Variants in CPED1 observed in about 807,000 individuals in gnomAD.
CPED1 encodes the protein cadherin like and PC-esterase domain containing 1.
In CPED1, 114 loss-of-function variants were observed where a neutral mutation model predicts 128.2. That is an observed-to-expected ratio of 0.89 (90% CI 0.76 to 1.04). The LOEUF is 1.04. CPED1 is among the 50% of genes least tolerant of loss of function. CPED1 has a pLI of 0.00. For synonymous variants in CPED1, 462 were observed against 426.7 expected (o/e 1.08, Z -1.02); for missense variants, 1,211 against 1,207.1 (o/e 1.00, Z -0.05).
chr7:121,275,566 T>C (rs1489307467), intron 22 of CPED1, among the ~76,000 whole-genome samples: 1 of 152,186 alleles, frequency 6.6e-6, no homozygotes, highest in Non-Finnish European at 1.5e-5. Flanking sequence ...CCAACTGATA[T>C]GTTATTATTC....
At chr7:121,289,771 AATG>A (rs1236083726) in intron 22 of CPED1, among the ~76,000 whole-genome samples, 1 of 152,234 alleles carries the variant, frequency 6.6e-6, no homozygotes, top group Admixed American at 6.5e-5. Flanking sequence ...ATTGCATTAA[AATG>A]ATGAAATTCA....
At chr7:121,288,505 T>C (rs1792629655) in intron 22 of CPED1, among the ~76,000 whole-genome samples, 5 of 152,192 alleles carry the variant, frequency 3.3e-5, no homozygotes, top group Admixed American at 3.3e-4. Flanking sequence ...GTTATCAACC[T>C]TCCATTGAGA....
intron 16 of CPED1, among the ~76,000 whole-genome samples, chr7:121,220,027 C>T (rs1011077205): frequency 6.6e-6 from 1 of 151,992 alleles, no homozygotes; most frequent in African/African-American, 2.4e-5. Context: ...CAAAATGTTT[C>T]CTACTCCTCA....
intron 3 of CPED1, among the ~76,000 whole-genome samples, chr7:121,046,217 A>G (rs77778725): frequency 1.6e-4 from 25 of 152,300 alleles, no homozygotes; most frequent in African/African-American, 5.3e-4. Context: ...GTCCTTGGTG[A>G]AATAGCTGAA....
At chr7:121,271,460 GC>G in intron 22 of CPED1, 30 bp downstream of exon 22, 2 of 1,591,182 alleles carry the variant, frequency 1.3e-6, no homozygotes, top group Non-Finnish European at 1.7e-6. Context: ...GAGTTTTATA[GC>G]TTTTGATCTT....
chr7:121,119,046 A>T (rs905068481), intron 7 of CPED1, among the ~76,000 whole-genome samples: 5 of 152,032 alleles, frequency 3.3e-5, no homozygotes, highest in Admixed American at 6.6e-5. Context: ...TTTACTTTTT[A>T]TTCTATAAAT....
chr7:121,066,038 T>C lies in CPED1; in HGVS notation c.616+1725T>C, dbSNP rs542502195. ...CTGTTGGTATAAATATATAATTCAA[T>C]ATTCACAAAATTAAAATTTTATTTG... is the stretch of plus-strand genomic sequence containing the variant. On this transcript the variant is annotated intron_variant, in intron 5 of 22. Coordinates refer to ENST00000310396, the MANE Select transcript of CPED1 (RefSeq NM_024913.5). Among the ~76,000 whole-genome samples, 6 of 152,286 alleles carry C rather than the reference T, an allele frequency of 3.9e-5. No homozygotes were observed. The South Asian group carries it at 1.2e-3, about 32-fold the overall frequency.
intron 5 of CPED1, among the ~76,000 whole-genome samples, chr7:121,080,590 T>C (rs1017749539): frequency 5.3e-5 from 8 of 152,126 alleles, no homozygotes; most frequent in Non-Finnish European, 5.9e-5. Flanking sequence ...GCTGCTGAGG[T>C]GGAGAAAATT....
chr7:121,024,707 A>G (rs892609274), intron 3 of CPED1, among the ~76,000 whole-genome samples: 5 of 152,180 alleles, frequency 3.3e-5, no homozygotes, highest in Non-Finnish European at 5.9e-5. Flanking sequence ...TGGAAAAAAG[A>G]CTATTTTTTG....
intron 2 of CPED1, among the ~76,000 whole-genome samples, chr7:121,014,549 C>CAAAAAAAAAAA (rs34128129): frequency 8.5e-6 from 1 of 117,188 alleles, no homozygotes; most frequent in Non-Finnish European, 1.8e-5. Flanking sequence ...GACTTTGTCT[C>CAAAAAAAAAAA]AAAAAAAAAA....
chr7:121,005,627 A>G (rs1484599530), intron 2 of CPED1, among the ~76,000 whole-genome samples: 1 of 152,164 alleles, frequency 6.6e-6, no homozygotes, highest in African/African-American at 2.4e-5. Context: ...CTGCACATGT[A>G]TCCCAGAACT....
intron 17 of CPED1, among the ~76,000 whole-genome samples, chr7:121,238,747 A>T (rs1425550450): frequency 1.3e-5 from 2 of 148,154 alleles, no homozygotes; most frequent in Non-Finnish European, 3.0e-5. Flanking sequence ...TAAATATAGG[A>T]ATATATATTA....
chr7:121,204,348 G>A (rs1797470670), intron 16 of CPED1, among the ~76,000 whole-genome samples: 1 of 152,024 alleles, frequency 6.6e-6, no homozygotes, highest in Admixed American at 6.6e-5. Context: ...GGATACTGAA[G>A]GAAAACATCT....
chr7:121,273,870 C>T (rs71571020), intron 22 of CPED1, among the ~76,000 whole-genome samples: 1,611 of 152,160 alleles, frequency 0.011, 8 homozygotes, highest in Non-Finnish European at 0.015. Flanking sequence ...GGGCTGTAGC[C>T]TGGAAGAGAA....
chr7:121,278,293 G>C (rs1226979833), intron 22 of CPED1, among the ~76,000 whole-genome samples: 1 of 152,144 alleles, frequency 6.6e-6, no homozygotes, highest in Admixed American at 6.5e-5. Flanking sequence ...GGCCCCTGAG[G>C]AGCAGGTTGA....
At chr7:121,247,729 A>ACC (rs1439464589) in intron 18 of CPED1, among the ~76,000 whole-genome samples, 3 of 152,174 alleles carry the variant, frequency 2.0e-5, no homozygotes, top group Non-Finnish European at 4.4e-5. Context: ...CAGAGAGTAG[A>ACC]CATAGATGGT....
At chr7:121,098,064 A>T (rs1480694856) in intron 6 of CPED1, among the ~76,000 whole-genome samples, 1 of 152,188 alleles carries the variant, frequency 6.6e-6, no homozygotes, top group African/African-American at 2.4e-5. Context: ...CTCTTATCTA[A>T]TAAGTTACAT....
chr7:121,294,125 G>C (rs904188840), intron 22 of CPED1, among the ~76,000 whole-genome samples: 6 of 151,942 alleles, frequency 3.9e-5, no homozygotes, highest in African/African-American at 9.7e-5. Context: ...GATTAACTCA[G>C]TAATTAAAGC....
At position 121,127,474 on chromosome 7, in the gene CPED1, AAATT is replaced by A. The variant is rs374104190; in HGVS notation, c.1302+220_1302+223del. ...TGATTATGATAAAATTATGGGTTGAAAATTAAGTATAGTGTTCATAATTTCTTAT... is the reference window on the plus strand; with the variant it reads ...TGATTATGATAAAATTATGGGTTGAAAAGTATAGTGTTCATAATTTCTTAT... On this transcript the variant is annotated intron_variant, in intron 10 of 22. Transcript: ENST00000310396. 3.7e-4 allele frequency among the ~76,000 whole-genome samples: 56 copies of A among 152,092 alleles called. 1 individual carries two copies. Among genetic ancestry groups the A allele is most frequent in the African/African-American group, 1.3e-3 (52 of 41,532 alleles).
Sources: gnomAD v4.1 joint callset for allele counts (sites outside exome capture counted in the v4.1 genomes callset) on GRCh38, gnomAD v4.1.1 for gene constraint, MANE v1.5 for transcripts, NCBI Gene and HGNC (gene_info 2026-07-23, HGNC 2026-07-21) for gene names.